Variants in PAPPA observed in about 807,000 individuals in gnomAD.
PAPPA encodes the protein pappalysin 1, also known as pappalysin-1.
PAPPA carries 60 observed loss-of-function variants against 164.0 expected under a neutral mutation model. The ratio of observed to expected loss-of-function variants is 0.37; its 90% confidence interval spans 0.30 to 0.45. The LOEUF is 0.45. PAPPA is among the 20% of genes least tolerant of loss of function. The probability of loss-of-function intolerance (pLI) is 1.00; values close to 1 mark genes in which losing one functional copy is unlikely to be tolerated. For synonymous variants in PAPPA, 875 were observed against 814.1 expected, an observed-to-expected ratio of 1.07 and a Z score of -1.27; for missense variants, 1,782 against 2,087.3, an observed-to-expected ratio of 0.85 and a Z score of 2.85.
chr9:116,360,112 C>T (rs1846404828), intron 17 of PAPPA, among the ~76,000 whole-genome samples: 1 of 152,222 alleles, frequency 6.6e-6, no homozygotes, highest in African/African-American at 2.4e-5. Flanking sequence ...TCCAGCCAGC[C>T]CTGGCCCAAG....
chr9:116,238,289 C>T (rs1844695453), intron 7 of PAPPA, among the ~76,000 whole-genome samples: 1 of 152,190 alleles, frequency 6.6e-6, no homozygotes, highest in African/African-American at 2.4e-5. Context: ...AAAGGCCAGG[C>T]TCTCAGGCCC....
chr9:116,281,604 G>C (rs545949146), intron 9 of PAPPA, among the ~76,000 whole-genome samples: 2 of 152,290 alleles, frequency 1.3e-5, no homozygotes, highest in South Asian at 4.1e-4. Context: ...AGAAGGGACT[G>C]TATTGATATT....
At chr9:116,256,930 G>GTTTTT (rs34511305) in intron 7 of PAPPA, among the ~76,000 whole-genome samples, 14 of 148,904 alleles carry the variant, frequency 9.4e-5, no homozygotes, top group South Asian at 8.5e-4. Flanking sequence ...ATTTTTTAAA[G>GTTTTT]TTTTTTTTTT....
intron 4 of PAPPA, among the ~76,000 whole-genome samples, chr9:116,218,952 G>A (rs2118702278): frequency 6.6e-6 from 1 of 152,288 alleles, no homozygotes; most frequent in East Asian, 1.9e-4. Flanking sequence ...GTGCACCAAT[G>A]GCAGCATGGA....
At chr9:116,189,146 A>T (rs906423523) in intron 2 of PAPPA, among the ~76,000 whole-genome samples, 2 of 152,216 alleles carry the variant, frequency 1.3e-5, no homozygotes, top group Non-Finnish European at 2.9e-5. Context: ...TAGAGATCTA[A>T]TGAACAACAA....
At chr9:116,340,723 A>T (rs1846125321) in intron 13 of PAPPA, among the ~76,000 whole-genome samples, 1 of 152,170 alleles carries the variant, frequency 6.6e-6, no homozygotes, top group African/African-American at 2.4e-5. Context: ...AAAAAATGTT[A>T]TCAGAGTTTA....
intron 2 of PAPPA, among the ~76,000 whole-genome samples, chr9:116,196,549 C>A (rs117879059): frequency 0.017 from 2,606 of 152,310 alleles, 40 homozygotes; most frequent in Non-Finnish European, 0.025. Flanking sequence ...TTGGTTACAG[C>A]TCAGCTTGTT....
intron 10 of PAPPA, among the ~76,000 whole-genome samples, chr9:116,308,875 C>T (rs1000873609): frequency 6.6e-6 from 1 of 152,074 alleles, no homozygotes; most frequent in Admixed American, 6.6e-5. Context: ...AAATTGCCAA[C>T]CCTTGCATGT....
intron 2 of PAPPA, among the ~76,000 whole-genome samples, chr9:116,189,990 T>A (rs1043617939): frequency 6.6e-6 from 1 of 152,206 alleles, no homozygotes; most frequent in African/African-American, 2.4e-5. Flanking sequence ...GCAGCCCATG[T>A]GAGGAGAAGC....
intron 10 of PAPPA, chr9:116,316,381 A>T (rs928805389): frequency 6.6e-6 from 1 of 152,226 alleles, no homozygotes; most frequent in Non-Finnish European, 1.5e-5. Context: ...TGGCAGGTGC[A>T]GGGGTTGTTG....
At chr9:116,191,137 A>G (rs1186298041) in intron 2 of PAPPA, among the ~76,000 whole-genome samples, 1 of 152,214 alleles carries the variant, frequency 6.6e-6, no homozygotes, top group South Asian at 2.1e-4. Context: ...TCCTGTGGGA[A>G]AGTCACAGAA....
intron 7 of PAPPA, among the ~76,000 whole-genome samples, chr9:116,258,529 G>A (rs1330851642): frequency 2.6e-5 from 4 of 152,066 alleles, no homozygotes; most frequent in African/African-American, 7.2e-5. Context: ...GGTGGCGCAT[G>A]CCTGTAATCC....
intron 1 of PAPPA, among the ~76,000 whole-genome samples, chr9:116,161,484 G>A (rs1283684061): frequency 1.3e-5 from 2 of 152,164 alleles, no homozygotes; most frequent in African/African-American, 2.4e-5. Flanking sequence ...CTTAAATTGT[G>A]TGATTCTACA....
chr9:116,234,675 T>A (rs1243828549), intron 6 of PAPPA, among the ~76,000 whole-genome samples: 1 of 152,148 alleles, frequency 6.6e-6, no homozygotes, highest in Non-Finnish European at 1.5e-5. Context: ...AAAACTCGGT[T>A]CCAATGCTGG....
At chr9:116,294,188 C>T (rs1845472984) in intron 9 of PAPPA, among the ~76,000 whole-genome samples, 1 of 152,078 alleles carries the variant, frequency 6.6e-6, no homozygotes, top group Non-Finnish European at 1.5e-5. Context: ...CAGGGATGCT[C>T]TTCTTTTCCA....
intron 5 of PAPPA, among the ~76,000 whole-genome samples, chr9:116,222,016 C>G (rs939712939): frequency 6.6e-6 from 1 of 152,122 alleles, no homozygotes; most frequent in Non-Finnish European, 1.5e-5. Context: ...TGTGCACTGG[C>G]AGTGGGAATG....
Position 116,235,457 on chromosome 9 carries a change from A to T in PAPPA, c.2552A>T (p.Tyr851Phe). The T allele has an allele frequency of 6.2e-7, 1 of 1,613,172 alleles. No individual in the cohort carries two copies. Among genetic ancestry groups the T allele is most frequent in the South Asian group, 1.1e-5 (1 of 90,976 alleles). ...CTCTGGGACGTGGGCGAGGAGGTGTATGGCATCCAAATCTACACGCTGGAT... is the reference window on the plus strand; with the variant it reads ...CTCTGGGACGTGGGCGAGGAGGTGTTTGGCATCCAAATCTACACGCTGGAT... ...IRLWDVGEEV[Y>F]GIQIYTLDEH... is the part of the protein sequence containing the mutation. The change falls in exon 7 of 22, where the codon TAT (tyrosine) becomes TTT (phenylalanine). Residue 851 changes from tyrosine (Y) to phenylalanine (F), a missense_variant. Transcript: ENST00000328252.
chr9:116,232,532 A>G (rs753380204), intron 6 of PAPPA, among the ~76,000 whole-genome samples: 1 of 152,210 alleles, frequency 6.6e-6, no homozygotes, highest in Non-Finnish European at 1.5e-5. Flanking sequence ...ACTCCCTGCC[A>G]GGGAATTTCT....
At chr9:116,392,058 C>CTCTT (rs1846900203) in intron 21 of PAPPA, among the ~76,000 whole-genome samples, 1 of 152,208 alleles carries the variant, frequency 6.6e-6, no homozygotes, top group South Asian at 2.1e-4. Context: ...ACTGATTCAT[C>CTCTT]TCTTTGCATC....
Sources: allele counts gnomAD v4.1 joint callset (sites outside exome capture counted in the v4.1 genomes callset), GRCh38; gene constraint gnomAD v4.1.1; transcripts MANE v1.5; gene names NCBI Gene and HGNC (gene_info 2026-07-23, HGNC 2026-07-21).